The following PCDHA6 variants were observed in gnomAD, a reference collection of about 807,000 sequenced individuals.
PCDHA6 encodes the protein protocadherin alpha 6, also known as protocadherin alpha-6.
Under a neutral mutation model 60.3 loss-of-function variants are expected in PCDHA6, and 55 were observed. The observed-to-expected ratio is 0.91, with a 90% CI of 0.73 to 1.14. The LOEUF (loss-of-function observed/expected upper bound fraction) is 1.14, where lower values mean the gene tolerates loss of function less well. Among genes scored for constraint, PCDHA6 ranks in the 50% most tolerant of loss-of-function variants. The pLI is 0.00. For synonymous variants in PCDHA6, 652 were observed against 557.9 expected (o/e 1.17, Z -2.38); for missense variants, 1,327 against 1,256.5 (o/e 1.06, Z -0.85).
At chr5:140,871,593 A>G in intron 1 of PCDHA6, 3 of 1,458,668 alleles carry the variant, frequency 2.1e-6, no homozygotes, top group South Asian at 1.5e-5. Context: ...TTTTATGAAT[A>G]ACCAGTGTTT....
At chr5:140,883,366 C>T (rs34923516) in intron 1 of PCDHA6, 1 of 1,614,174 alleles carries the variant, frequency 6.2e-7, no homozygotes, top group South Asian at 1.1e-5. Context: ...CTCAGCCTAG[C>T]GCCATTATTG....
intron 1 of PCDHA6, among the ~76,000 whole-genome samples, chr5:140,879,850 T>C (rs935829286): frequency 3.3e-5 from 5 of 152,230 alleles, no homozygotes; most frequent in Non-Finnish European, 5.9e-5. Flanking sequence ...CACTCCCATC[T>C]CAGCCTTCTC....
chr5:140,933,276 G>T (rs1392004837), intron 1 of PCDHA6, among the ~76,000 whole-genome samples: 2 of 151,892 alleles, frequency 1.3e-5, no homozygotes, highest in Non-Finnish European at 2.9e-5. Context: ...TATTCATTTG[G>T]AACTTGTTTT....
intron 1 of PCDHA6, chr5:140,836,453 G>C: frequency 6.2e-7 from 1 of 1,613,854 alleles, no homozygotes; most frequent in Non-Finnish European, 8.5e-7. Context: ...CAGGCCCAGA[G>C]ACCGAGCTGG....
rs1781520198 is a variant in PCDHA6, at chr5:140,848,443, T to C, written c.2394+17958T>C. ...ATGGGACTGACGAAATCAGATGATTTCTTCTAATTTGGAGGCAATTTTCAC... is the reference window on the plus strand; with the variant it reads ...ATGGGACTGACGAAATCAGATGATTCCTTCTAATTTGGAGGCAATTTTCAC... On this transcript the variant is annotated intron_variant, in intron 1 of 3. Transcript: ENST00000529310. 5.4e-6 allele frequency: 8 copies of C among 1,493,744 alleles called. 1 individual carries two copies. The highest frequency in any genetic ancestry group is 7.3e-6 in the Non-Finnish European group (8 of 1,096,078). 92.5% of individuals were successfully genotyped at this position (1,493,744 alleles called of 1,614,324 possible).
chr5:140,887,954 T>A (rs2061642378), intron 1 of PCDHA6, among the ~76,000 whole-genome samples: 1 of 152,240 alleles, frequency 6.6e-6, no homozygotes, highest in South Asian at 2.1e-4. Context: ...TGTATAAGAT[T>A]CTTTTTGTCT....
intron 3 of PCDHA6, among the ~76,000 whole-genome samples, chr5:140,992,700 G>A (rs2097525204): frequency 6.6e-6 from 1 of 152,162 alleles, no homozygotes; most frequent in Non-Finnish European, 1.5e-5. Flanking sequence ...GGTGGGTAAT[G>A]TTCCTGCCAG....
chr5:140,835,199 C>T lies in PCDHA6; in HGVS notation c.2394+4714C>T, dbSNP rs2150231734. The T allele has an allele frequency of 7.8e-3, 12,048 of 1,553,200 alleles. 392 individuals are homozygous for T. The African/African-American group carries it at 0.15, about 20-fold the overall frequency. ...CCAATGCCTCAGATTTAGACGAAGGCTTGAATGGGGATATTATTTACTCCT... is the reference window on the plus strand; with the variant it reads ...CCAATGCCTCAGATTTAGACGAAGGTTTGAATGGGGATATTATTTACTCCT... On this transcript the variant is annotated intron_variant, in intron 1 of 3. Coordinates refer to ENST00000529310, the MANE Select transcript of PCDHA6 (RefSeq NM_018909.4).
At position 141,009,870 on chromosome 5, in the gene PCDHA6, A is replaced by G. The variant is rs1554262513; in HGVS notation, c.2786A>G (p.Lys929Arg). 1.9e-6 allele frequency: 3 copies of G among 1,614,114 alleles called. No homozygotes were observed. Among genetic ancestry groups the G allele is most frequent in the South Asian group, 2.2e-5 (2 of 91,074 alleles). ...GAGACCAAGAAAAAGAAGAAAAAGA[A>G]GAAGGGTAACAAGACCCAGGAGAAA... ...KEETKKKKKK[K>R]KGNKTQEKKE... The change falls in exon 4 of 4, where the codon AAG (lysine) becomes AGG (arginine). Residue 929 changes from lysine to arginine, a missense_variant. Physicochemically the swap from Lys to Arg is conservative, Grantham distance 26. Coordinates refer to ENST00000529310, the MANE Select transcript of PCDHA6 (RefSeq NM_018909.4).
chr5:140,918,423 G>A (rs1450010103), intron 1 of PCDHA6, among the ~76,000 whole-genome samples: 2 of 152,076 alleles, frequency 1.3e-5, no homozygotes, highest in Admixed American at 1.3e-4. Context: ...CTTCCAGTAG[G>A]ATGTTGAATA....
At position 140,847,060 on chromosome 5, in the gene PCDHA6, C is replaced by T. The variant is rs1457152734; in HGVS notation, c.2394+16575C>T. ...TAAGGAAAGTTGAAGACACAGAAAG[C>T]ATCAATATGACAAGTAGAAAAGTCC... On this transcript the variant is annotated intron_variant, in intron 1 of 3. Coordinates refer to ENST00000529310, the MANE Select transcript of PCDHA6 (RefSeq NM_018909.4). 1.3e-5 allele frequency among the ~76,000 whole-genome samples: 2 copies of T among 149,600 alleles called. 1 individual carries two copies. Among genetic ancestry groups the T allele is most frequent in the Non-Finnish European group, 3.0e-5 (2 of 66,898 alleles).
rs1554144146 is a variant in PCDHA6, at chr5:140,850,293, G to A, written c.2394+19808G>A. 7.5e-6 allele frequency: 12 copies of A among 1,596,282 alleles called. 1 individual carries two copies. Among genetic ancestry groups the A allele is most frequent in the Non-Finnish European group, 1.0e-5 (12 of 1,167,618 alleles). ...GGGGAAGGTGCGCGCAGTGGACGCC[G>A]ACTCGGGCTACAACGCGTGGCTTTC... On this transcript the variant is annotated intron_variant, in intron 1 of 3. Transcript: ENST00000529310.
At chr5:140,848,803 G>A in intron 1 of PCDHA6, 3 of 1,592,286 alleles carry the variant, frequency 1.9e-6, no homozygotes, top group South Asian at 1.1e-5. Flanking sequence ...GCGGAGTGCA[G>A]CATCCACCTG....
chr5:140,988,403 C>T (rs1054317981), intron 3 of PCDHA6, among the ~76,000 whole-genome samples: 3 of 152,036 alleles, frequency 2.0e-5, no homozygotes, highest in African/African-American at 4.8e-5. Context: ...GAGTTCTCTT[C>T]GCAGCTTATG....
intron 1 of PCDHA6, among the ~76,000 whole-genome samples, chr5:140,899,497 T>G (rs2067365308): frequency 6.6e-6 from 1 of 152,254 alleles, no homozygotes; most frequent in South Asian, 2.1e-4. Context: ...TTACATTTAT[T>G]GATTTGCATA....
At chr5:140,883,225 C>T in intron 1 of PCDHA6, 1 of 1,613,914 alleles carries the variant, frequency 6.2e-7, no homozygotes, top group East Asian at 2.2e-5. Context: ...ATGAAATATC[C>T]GTGGAGGCAG....
At chr5:140,925,219 AG>A (rs1324328907) in intron 1 of PCDHA6, among the ~76,000 whole-genome samples, 1 of 152,238 alleles carries the variant, frequency 6.6e-6, no homozygotes, top group Admixed American at 6.5e-5. Context: ...ACTTTTAGGC[AG>A]GTTTCTACCA....
At chr5:140,982,984 G>A (rs558088522) in intron 3 of PCDHA6, among the ~76,000 whole-genome samples, 11 of 151,694 alleles carry the variant, frequency 7.3e-5, no homozygotes, top group Non-Finnish European at 1.5e-4. Flanking sequence ...GAAAGAAAGA[G>A]AAAAAGAAGG....
chr5:140,898,321 G>T (rs370229202), intron 1 of PCDHA6, among the ~76,000 whole-genome samples: 1 of 151,946 alleles, frequency 6.6e-6, no homozygotes. Context: ...TTATGGTTTT[G>T]GGTCTAACGT....
Sources: gnomAD v4.1 joint callset for allele counts (sites outside exome capture counted in the v4.1 genomes callset) on GRCh38, gnomAD v4.1.1 for gene constraint, MANE v1.5 for transcripts, NCBI Gene and HGNC (gene_info 2026-07-23, HGNC 2026-07-21) for gene names.